The following SERINC5 variants were observed in gnomAD, a reference collection of about 807,000 sequenced individuals.
SERINC5 encodes chromosome 5 open reading frame 12.
A neutral mutation model predicts 63.1 loss-of-function variants in SERINC5; 41 were observed. The observed-to-expected ratio is 0.65, with a 90% CI of 0.51 to 0.84. SERINC5 has a LOEUF of 0.84. Among genes scored for constraint, SERINC5 ranks in the 40% least tolerant of loss-of-function variants. SERINC5 has a pLI of 0.00. For synonymous variants in SERINC5, 222 were observed against 215.2 expected (o/e 1.03, Z -0.28); for missense variants, 523 against 573.0 (o/e 0.91, Z 0.89).
intron 1 of SERINC5, among the ~76,000 whole-genome samples, chr5:80,217,992 C>T (rs1750743128): frequency 1.3e-5 from 2 of 152,200 alleles, no homozygotes. Context: ...AACTCATCCT[C>T]TGGGTTCCAC....
At chr5:80,126,198 C>G (rs1236477613) in intron 11 of SERINC5, among the ~76,000 whole-genome samples, 1 of 152,120 alleles carries the variant, frequency 6.6e-6, no homozygotes, top group Admixed American at 6.6e-5. Flanking sequence ...GGGACAGAAA[C>G]AATTAAGTAG....
chr5:80,229,021 CTTTTT>C (rs1166636996), intron 1 of SERINC5, among the ~76,000 whole-genome samples: 7,304 of 85,672 alleles, frequency 0.085, 572 homozygotes, highest in Non-Finnish European at 0.13. Context: ...TTTTACATAC[CTTTTT>C]TTTTTTTTTT....
At chr5:80,229,337 C>A (rs1202691037) in intron 1 of SERINC5, among the ~76,000 whole-genome samples, 4 of 136,150 alleles carry the variant, frequency 2.9e-5, no homozygotes, top group African/African-American at 8.4e-5. Context: ...TACATACTTA[C>A]ACAATTTTTT....
At chr5:80,255,833 G>A in intron 1 of SERINC5, 63 bp downstream of exon 1, 5 of 1,552,576 alleles carry the variant, frequency 3.2e-6, no homozygotes, top group Non-Finnish European at 3.5e-6. Context: ...GGTCCTCCAC[G>A]CCTGGACTCC....
At chr5:80,215,092 C>T (rs982927675) in intron 1 of SERINC5, among the ~76,000 whole-genome samples, 2 of 152,172 alleles carry the variant, frequency 1.3e-5, no homozygotes, top group Non-Finnish European at 2.9e-5. Context: ...TGTGTCCCCA[C>T]CCAAAGCTCA....
intron 11 of SERINC5, chr5:80,115,988 G>C (rs886135076): frequency 7.7e-6 from 2 of 258,066 alleles, no homozygotes; most frequent in African/African-American, 4.5e-5. Context: ...GAAAGGGATA[G>C]AAGATGTTAA....
intron 1 of SERINC5, among the ~76,000 whole-genome samples, chr5:80,239,014 T>C (rs1248994023): frequency 6.6e-6 from 1 of 152,190 alleles, no homozygotes; most frequent in Non-Finnish European, 1.5e-5. Flanking sequence ...ACAGGGGTAG[T>C]ACCTGCTGTG....
intron 11 of SERINC5, among the ~76,000 whole-genome samples, chr5:80,121,178 C>A (rs529677304): frequency 6.6e-6 from 1 of 152,182 alleles, no homozygotes; most frequent in Non-Finnish European, 1.5e-5. Context: ...TGAGCCAACG[C>A]ACCCAGCCAA....
intron 2 of SERINC5, among the ~76,000 whole-genome samples, chr5:80,183,389 C>A (rs922239127): frequency 1.3e-5 from 2 of 152,088 alleles, no homozygotes; most frequent in East Asian, 1.9e-4. Context: ...GGTATCCCAG[C>A]GAGAACAGTC....
chr5:80,228,541 G>A (rs1335758567), intron 1 of SERINC5, among the ~76,000 whole-genome samples: 1 of 151,854 alleles, frequency 6.6e-6, no homozygotes, highest in East Asian at 1.9e-4. Flanking sequence ...TTGGAGCCTT[G>A]AACTCCTTGC....
intron 1 of SERINC5, among the ~76,000 whole-genome samples, chr5:80,252,478 G>A (rs1018220826): frequency 1.3e-5 from 2 of 152,144 alleles, no homozygotes; most frequent in African/African-American, 4.8e-5. Flanking sequence ...GCCTAGCACA[G>A]AACTTTGAAC....
intron 11 of SERINC5, among the ~76,000 whole-genome samples, chr5:80,116,726 G>C (rs758929588): frequency 5.3e-5 from 8 of 151,978 alleles, no homozygotes; most frequent in Non-Finnish European, 1.0e-4. Context: ...GGCTGCTCTG[G>C]CCTGGAGGGG....
chr5:80,131,434 G>C (rs1273033452), intron 11 of SERINC5, among the ~76,000 whole-genome samples: 1 of 152,184 alleles, frequency 6.6e-6, no homozygotes, highest in South Asian at 2.1e-4. Flanking sequence ...AGCAGCGTGA[G>C]AACAGACTGA....
chr5:80,176,092 T>C (rs781455631), intron 4 of SERINC5, among the ~76,000 whole-genome samples: 2 of 151,926 alleles, frequency 1.3e-5, no homozygotes, highest in Non-Finnish European at 2.9e-5. Context: ...GGCAGAAGAA[T>C]TGCTTGAACC....
At chr5:80,250,089 T>C (rs952367691) in intron 1 of SERINC5, among the ~76,000 whole-genome samples, 1 of 151,848 alleles carries the variant, frequency 6.6e-6, no homozygotes, top group African/African-American at 2.4e-5. Context: ...CAACAGGGGG[T>C]TCAGCTAGGT....
chr5:80,135,119 A>C (rs184690624), downstream of SERINC5, among the ~76,000 whole-genome samples: 2 of 152,296 alleles, frequency 1.3e-5, no homozygotes, highest in Non-Finnish European at 1.5e-5. Context: ...GCTGGAGCAC[A>C]ATGGCACAAT....
At chr5:80,156,854 A>C (rs1278467130) in intron 8 of SERINC5, 5 of 152,214 alleles carry the variant, frequency 3.3e-5, no homozygotes, top group Admixed American at 2.0e-4. Context: ...AAAATATGAT[A>C]GGGTGAAAAT....
Position 80,201,885 on chromosome 5 carries a change from A to G in SERINC5, c.195+1001T>C, listed in dbSNP as rs574594550. Among the ~76,000 whole-genome samples, 3 of 152,330 alleles carry G rather than the reference A, an allele frequency of 2.0e-5. No homozygotes were observed. In the East Asian group the frequency reaches 5.8e-4, roughly 29 times the overall value. ...CCCATTCTCCATTATTTGTGAGAAT[A>G]TCAGCTTTATTATACTTCCTATGTA... On this transcript the variant is annotated intron_variant, in intron 2 of 11. Transcript: ENST00000507668.
At chr5:80,146,675 C>G (rs529660052) in intron 10 of SERINC5, among the ~76,000 whole-genome samples, 125 of 152,196 alleles carry the variant, frequency 8.2e-4, no homozygotes, top group African/African-American at 2.9e-3. Context: ...AGGCTGGTCT[C>G]GAACTCCTGA....
Sources: gnomAD v4.1 joint callset for allele counts (sites outside exome capture counted in the v4.1 genomes callset) on GRCh38, gnomAD v4.1.1 for gene constraint, MANE v1.5 for transcripts, NCBI Gene and HGNC (gene_info 2026-07-23, HGNC 2026-07-21) for gene names.